The following CACNA2D3 variants were observed in gnomAD, a reference collection of about 807,000 sequenced individuals.
CACNA2D3 encodes the protein voltage-dependent calcium channel subunit alpha-2/delta-3.
A neutral mutation model predicts 160.6 loss-of-function variants in CACNA2D3; 60 were observed. That is an observed-to-expected ratio of 0.37 (90% CI 0.30 to 0.46). The LOEUF (loss-of-function observed/expected upper bound fraction) is 0.46, where lower values mean the gene tolerates loss of function less well. Among genes scored for constraint, CACNA2D3 ranks in the 20% least tolerant of loss-of-function variants. CACNA2D3 has a pLI of 1.00. For missense variants in CACNA2D3, 1,205 were observed against 1,365.0 expected, an observed-to-expected ratio of 0.88 and a Z score of 1.85; for synonymous variants, 558 against 492.9, an observed-to-expected ratio of 1.13 and a Z score of -1.75.
chr3:54,959,475 A>C (rs2107041646), intron 27 of CACNA2D3, among the ~76,000 whole-genome samples: 1 of 152,046 alleles, frequency 6.6e-6, no homozygotes, highest in East Asian at 2.0e-4. Flanking sequence ...ATAAGTCATA[A>C]ACATCCAACT....
chr3:54,951,494 G>A (rs1035798298), intron 27 of CACNA2D3, among the ~76,000 whole-genome samples: 2 of 152,206 alleles, frequency 1.3e-5, no homozygotes, highest in African/African-American at 4.8e-5. Context: ...CTGCTGTCCT[G>A]TGAGTTGTAG....
chr3:55,018,187 T>C lies in CACNA2D3; in HGVS notation c.2876-19T>C, dbSNP rs1168901111. 13 of 1,535,706 alleles carry C rather than the reference T, an allele frequency of 8.5e-6. No homozygotes were observed. The African/African-American group carries it at 1.2e-4, about 14-fold the overall frequency. On this transcript the variant is annotated intron_variant, in intron 34 of 37. Transcript: ENST00000474759. ...GTGCCTTGCATTCTTTACCTTTTTT[T>C]TTCCCACTATCCCTACAGCCCAGAA...
intron 13 of CACNA2D3, among the ~76,000 whole-genome samples, chr3:54,768,005 G>A (rs974003099): frequency 3.3e-5 from 5 of 152,180 alleles, no homozygotes; most frequent in African/African-American, 1.2e-4. Context: ...TGAGGAGGGA[G>A]TGATGGAGTT....
At chr3:54,253,721 G>A (rs1285883408) in intron 2 of CACNA2D3, among the ~76,000 whole-genome samples, 2 of 152,190 alleles carry the variant, frequency 1.3e-5, no homozygotes, top group East Asian at 3.9e-4. Context: ...AGGACTTAAA[G>A]GATAGTGAAA....
rs370607786 is a variant in CACNA2D3 at position 54,925,031 on chromosome 3, AT to A, written c.2449+25164del. 2.5e-4 allele frequency: 406 copies of A among 1,614,140 alleles called. 1 individual carries two copies. The East Asian group carries it at 5.1e-3, about 20-fold the overall frequency. ...CTGACCTAAATGCAAAAGCAGGAAG[AT>A]GGTGTATCTGATTATCTTGTAAATG... On this transcript the variant is annotated intron_variant, in intron 27 of 37. Coordinates refer to ENST00000474759, the MANE Select transcript of CACNA2D3 (RefSeq NM_018398.3).
At chr3:54,271,386 C>G (rs757255014) in intron 2 of CACNA2D3, among the ~76,000 whole-genome samples, 1 of 152,184 alleles carries the variant, frequency 6.6e-6, no homozygotes, top group East Asian at 1.9e-4. Context: ...TCACCACCAA[C>G]CCACTGGAGT....
intron 9 of CACNA2D3, chr3:54,626,541 G>A (rs1699109902): frequency 1.2e-6 from 2 of 1,605,222 alleles, no homozygotes; most frequent in African/African-American, 1.3e-5. Flanking sequence ...TCAAGCCCGA[G>A]ATGATCGACC....
intron 13 of CACNA2D3, among the ~76,000 whole-genome samples, chr3:54,814,076 C>G (rs1385524881): frequency 1.3e-5 from 2 of 151,790 alleles, no homozygotes; most frequent in Non-Finnish European, 2.9e-5. Flanking sequence ...ACTATGTTGC[C>G]CAGGCTGGTC....
intron 2 of CACNA2D3, among the ~76,000 whole-genome samples, chr3:54,142,130 G>A (rs1699949819): frequency 6.6e-6 from 1 of 152,182 alleles, no homozygotes; most frequent in Non-Finnish European, 1.5e-5. Context: ...ATGACAGAAA[G>A]GTGGAAGAGG....
intron 3 of CACNA2D3, among the ~76,000 whole-genome samples, chr3:54,359,598 C>A (rs763806797): frequency 2.6e-5 from 4 of 152,104 alleles, no homozygotes; most frequent in Non-Finnish European, 5.9e-5. Context: ...AAGTTCCAGG[C>A]GACACTCAGT....
chr3:54,265,836 T>G (rs1395403381), intron 2 of CACNA2D3, among the ~76,000 whole-genome samples: 3 of 151,324 alleles, frequency 2.0e-5, no homozygotes, highest in Non-Finnish European at 2.9e-5. Flanking sequence ...AACCCACTAC[T>G]TGAAGGATTT....
At chr3:54,200,341 G>A (rs2107348394) in intron 2 of CACNA2D3, among the ~76,000 whole-genome samples, 1 of 152,324 alleles carries the variant, frequency 6.6e-6, no homozygotes, top group Middle Eastern at 3.4e-3. Flanking sequence ...TAGACCTCAT[G>A]CTGGGTAGCT....
At chr3:54,794,447 G>T (rs1228818817) in intron 13 of CACNA2D3, among the ~76,000 whole-genome samples, 1 of 152,118 alleles carries the variant, frequency 6.6e-6, no homozygotes, top group Non-Finnish European at 1.5e-5. Context: ...AAGTGAGGAA[G>T]AAATCTTATA....
intron 4 of CACNA2D3, among the ~76,000 whole-genome samples, chr3:54,498,875 T>C (rs1312474629): frequency 1.3e-5 from 2 of 152,110 alleles, no homozygotes; most frequent in Admixed American, 1.3e-4. Context: ...TCCAAATCTT[T>C]AGTCTATTTG....
intron 14 of CACNA2D3, 58 bp from the exon 15 acceptor site, chr3:54,837,101 C>T: frequency 6.8e-7 from 1 of 1,476,064 alleles, no homozygotes; most frequent in Non-Finnish European, 9.5e-7. Flanking sequence ...AGGGGGTGGC[C>T]TCCAGAACTG....
intron 13 of CACNA2D3, among the ~76,000 whole-genome samples, chr3:54,772,956 A>G (rs1702346865): frequency 6.6e-6 from 1 of 152,226 alleles, no homozygotes. Context: ...CCACAGTGAC[A>G]CGCAGAAGGG....
At chr3:54,554,112 A>T (rs141860970) in intron 5 of CACNA2D3, among the ~76,000 whole-genome samples, 2,730 of 152,232 alleles carry the variant, frequency 0.018, 31 homozygotes, top group African/African-American at 0.034. Context: ...AGCTCTTGCT[A>T]GCGTAGGCAT....
chr3:54,442,075 C>A (rs1375870310), intron 4 of CACNA2D3, among the ~76,000 whole-genome samples: 1 of 152,154 alleles, frequency 6.6e-6, no homozygotes, highest in Non-Finnish European at 1.5e-5. Context: ...TCCTAAGTAG[C>A]AAGGACTATA....
chr3:54,687,115 C>CTTTTTTTTTTTTTTTTTTTTTTTTTTT (rs1338617031), intron 11 of CACNA2D3, among the ~76,000 whole-genome samples: 1 of 40,884 alleles, frequency 2.4e-5, no homozygotes. Flanking sequence ...TTTTCTTTTT[C>CTTTTTTTTTTTTTTTTTTTTTTTTTTT]TTTTTCTTTT....
Sources: gnomAD v4.1 joint callset for allele counts (sites outside exome capture counted in the v4.1 genomes callset) on GRCh38, gnomAD v4.1.1 for gene constraint, MANE v1.5 for transcripts, NCBI Gene and HGNC (gene_info 2026-07-23, HGNC 2026-07-21) for gene names.